Variants in PPARGC1A observed in about 807,000 individuals in gnomAD.
PPARGC1A encodes PPARG coactivator 1 alpha.
In PPARGC1A, 25 loss-of-function variants were observed where a neutral mutation model predicts 88.7. The ratio of observed to expected loss-of-function variants is 0.28; its 90% CI spans 0.21 to 0.39. The LOEUF (loss-of-function observed/expected upper bound fraction) is 0.39. PPARGC1A is among the 10% of genes least tolerant of loss of function. PPARGC1A has a pLI of 1.00. For missense variants in PPARGC1A, 880 were observed against 968.7 expected, an observed-to-expected ratio of 0.91 and a Z score of 1.22; for synonymous variants, 363 against 355.6, an observed-to-expected ratio of 1.02 and a Z score of -0.24.
the PPARGC1A span, among the ~76,000 whole-genome samples, chr4:24,211,043 GCTTA>G: frequency 3.3e-5 from 5 of 152,106 alleles, no homozygotes; most frequent in African/African-American, 9.7e-5. Flanking sequence ...AATTGCAGTT[GCTTA>G]CTTACTTACT....
At chr4:24,306,283 G>A in the PPARGC1A span, among the ~76,000 whole-genome samples, 2 of 152,100 alleles carry the variant, frequency 1.3e-5, no homozygotes, top group Admixed American at 1.3e-4. Context: ...TTCAACATTT[G>A]AGCACAAGGT....
the PPARGC1A span, among the ~76,000 whole-genome samples, chr4:24,188,302 A>T: frequency 2.0e-5 from 3 of 152,104 alleles, no homozygotes; most frequent in Non-Finnish European, 4.4e-5. Flanking sequence ...TAACCGGTGC[A>T]GTAGGGAAGC....
chr4:24,050,194 C>CTTTTTTTTTTTTTTTTTTTTTTTTT, the PPARGC1A span, among the ~76,000 whole-genome samples: 10 of 127,808 alleles, frequency 7.8e-5, 5 homozygotes, highest in Non-Finnish European at 3.2e-5. Context: ...CTTAGGTGAC[C>CTTTTTTTTTTTTTTTTTTTTTTTTT]TTTTGTTTTT....
At chr4:24,426,956 C>T in the PPARGC1A span, among the ~76,000 whole-genome samples, 1 of 152,144 alleles carries the variant, frequency 6.6e-6, no homozygotes, top group Non-Finnish European at 1.5e-5. Flanking sequence ...TTTCAGCTGT[C>T]AGGAAAGCTG....
At chr4:24,135,850 A>G in the PPARGC1A span, among the ~76,000 whole-genome samples, 252 of 152,284 alleles carry the variant, frequency 1.7e-3, no homozygotes, top group African/African-American at 5.7e-3. Context: ...GGGGGTCAAT[A>G]TGTTGCTTCT....
the PPARGC1A span, among the ~76,000 whole-genome samples, chr4:24,391,972 A>C: frequency 6.6e-6 from 1 of 152,216 alleles, no homozygotes; most frequent in Non-Finnish European, 1.5e-5. Flanking sequence ...AGGTACAAGC[A>C]GAAATTAGTT....
At chr4:24,054,841 G>A in the PPARGC1A span, among the ~76,000 whole-genome samples, 2 of 152,252 alleles carry the variant, frequency 1.3e-5, no homozygotes, top group East Asian at 3.9e-4. Context: ...TTTTAAGCAG[G>A]CAGTGGACTC....
the PPARGC1A span, among the ~76,000 whole-genome samples, chr4:24,257,855 A>G: frequency 9.1e-4 from 139 of 152,328 alleles, 1 homozygote; most frequent in Non-Finnish European, 1.7e-3. Flanking sequence ...AAAAGAAAGG[A>G]AGAGAGAGTT....
the PPARGC1A span, among the ~76,000 whole-genome samples, chr4:24,225,542 C>A: frequency 0.12 from 17,672 of 150,272 alleles, 1,342 homozygotes; most frequent in Middle Eastern, 0.26. Flanking sequence ...AAAAAAAACA[C>A]ACACACACAC....
the PPARGC1A span, among the ~76,000 whole-genome samples, chr4:23,947,352 GATATATATATATATATATATATATATAT>G: frequency 1.3e-5 from 1 of 75,888 alleles, no homozygotes; most frequent in African/African-American, 6.1e-5. Flanking sequence ...GTTATATAGT[GATATATATATATATATATATATATATAT>G]ATATATATAT....
At chr4:24,258,753 A>G in the PPARGC1A span, among the ~76,000 whole-genome samples, 2 of 152,386 alleles carry the variant, frequency 1.3e-5, no homozygotes, top group Admixed American at 1.3e-4. Context: ...CAAGGAAGTC[A>G]GAATACTTCA....
the PPARGC1A span, among the ~76,000 whole-genome samples, chr4:23,965,114 A>T: frequency 6.6e-6 from 1 of 152,116 alleles, no homozygotes; most frequent in Middle Eastern, 3.2e-3. Context: ...GTATCTGACC[A>T]CTAAGGACCC....
chr4:23,824,513 AG>A lies in PPARGC1A; in HGVS notation c.758-6del. On this transcript the variant is annotated splice_polypyrimidine_tract_variant and splice_region_variant and intron_variant, in intron 5 of 12. Coordinates refer to ENST00000264867, the MANE Select transcript of PPARGC1A (RefSeq NM_013261.5). ...GAGATAAAGTTGTTGGTTTGGCTAA[AG>A]AAAAAAAAAAGAAACTAATTATGTA... 1.3e-6 allele frequency: 2 copies of A among 1,590,498 alleles called. No homozygotes were observed. Among genetic ancestry groups the A allele is most frequent in the African/African-American group, 1.4e-5 (1 of 73,652 alleles).
the PPARGC1A span, among the ~76,000 whole-genome samples, chr4:23,921,856 AC>A: frequency 1.3e-5 from 2 of 152,186 alleles, no homozygotes; most frequent in Non-Finnish European, 2.9e-5. Flanking sequence ...TAAACGGAAT[AC>A]CTCTTCTTGG....
At chr4:24,173,336 ACC>A in the PPARGC1A span, among the ~76,000 whole-genome samples, 166 of 47,726 alleles carry the variant, frequency 3.5e-3, no homozygotes, top group Admixed American at 8.5e-3. Context: ...TCCTTTCCCC[ACC>A]AAAAAAAAAA....
chr4:23,849,114 A>G (rs2148656151), intron 2 of PPARGC1A, among the ~76,000 whole-genome samples: 1 of 152,298 alleles, frequency 6.6e-6, no homozygotes, highest in East Asian at 1.9e-4. Flanking sequence ...ACTGCACTCC[A>G]GCCTGGGCGA....
At chr4:24,367,674 C>A in the PPARGC1A span, among the ~76,000 whole-genome samples, 1 of 152,104 alleles carries the variant, frequency 6.6e-6, no homozygotes, top group African/African-American at 2.4e-5. Context: ...AAGTTAATTT[C>A]TATAAACATT....
the PPARGC1A span, among the ~76,000 whole-genome samples, chr4:24,296,282 T>C: frequency 6.6e-6 from 1 of 151,738 alleles, no homozygotes; most frequent in African/African-American, 2.4e-5. Context: ...AATTGTTTAG[T>C]ATAAGCATGT....
the PPARGC1A span, among the ~76,000 whole-genome samples, chr4:23,910,807 ATTG>A: frequency 1.1e-5 from 1 of 87,336 alleles, no homozygotes; most frequent in East Asian, 2.5e-4. Flanking sequence ...AATGTCAACT[ATTG>A]TTATCTCTTT....
Sources: allele counts gnomAD v4.1 joint callset (sites outside exome capture counted in the v4.1 genomes callset), GRCh38; gene constraint gnomAD v4.1.1; transcripts MANE v1.5; gene names NCBI Gene and HGNC (gene_info 2026-07-23, HGNC 2026-07-21).